ICAM1: variants seen among roughly 807,000 people sequenced by gnomAD.
ICAM1 encodes the protein intercellular adhesion molecule 1.
Under a neutral mutation model 42.3 loss-of-function variants are expected in ICAM1, and 28 were observed. The ratio of observed to expected loss-of-function variants is 0.66; its 90% confidence interval spans 0.49 to 0.91. ICAM1 has a LOEUF of 0.91. Among genes scored for constraint, ICAM1 ranks in the 40% least tolerant of loss-of-function variants. The pLI is 0.00. For synonymous variants in ICAM1, 304 were observed against 305.9 expected (o/e 0.99, Z 0.07); for missense variants, 637 against 688.6 (o/e 0.93, Z 0.84).
intron 1 of ICAM1, among the ~76,000 whole-genome samples, chr19:10,274,407 C>G (rs2040002633): frequency 6.6e-6 from 1 of 151,696 alleles, no homozygotes; most frequent in African/African-American, 2.4e-5. Context: ...CTCCACCTCC[C>G]AGGTTCAAGT....
chr19:10,275,440 G>A (rs1274855563), intron 2 of ICAM1, among the ~76,000 whole-genome samples: 1 of 152,052 alleles, frequency 6.6e-6, no homozygotes, highest in African/African-American at 2.4e-5. Context: ...AGATTGCAGT[G>A]AGCCGCGATC....
chr19:10,283,399 G>T, intron 2 of ICAM1, 82 bp from the exon 3 acceptor site: 2 of 1,375,398 alleles, frequency 1.5e-6, no homozygotes, highest in Non-Finnish European at 2.0e-6. Flanking sequence ...AAGAGGTAGG[G>T]CTCCCAGGCA....
intron 2 of ICAM1, among the ~76,000 whole-genome samples, chr19:10,278,853 C>G (rs1046179770): frequency 3.3e-5 from 5 of 151,926 alleles, no homozygotes; most frequent in Non-Finnish European, 7.4e-5. Flanking sequence ...TGCCTGATAG[C>G]TGAGAGCATA....
chr19:10,275,558 C>T (rs1473541016), intron 2 of ICAM1, among the ~76,000 whole-genome samples: 1 of 152,140 alleles, frequency 6.6e-6, no homozygotes, highest in Non-Finnish European at 1.5e-5. Flanking sequence ...GGTCCTGCTT[C>T]AGACACTTTA....
intron 2 of ICAM1, chr19:10,283,171 G>T: frequency 4.0e-6 from 1 of 251,808 alleles, no homozygotes. Context: ...GCCACTGTTT[G>T]CCCAGTCTAG....
At chr19:10,271,599 T>C (rs1198094555) in intron 1 of ICAM1, among the ~76,000 whole-genome samples, 1 of 152,022 alleles carries the variant, frequency 6.6e-6, no homozygotes, top group Non-Finnish European at 1.5e-5. Flanking sequence ...TCTTACAGTT[T>C]CTCAGCTGTA....
intron 2 of ICAM1, among the ~76,000 whole-genome samples, chr19:10,278,971 C>T (rs1196135739): frequency 1.3e-5 from 2 of 152,092 alleles, no homozygotes; most frequent in Non-Finnish European, 1.5e-5. Flanking sequence ...ATGGCTGGCA[C>T]AGGTAGCAAA....
chr19:10,285,138 A>G lies in ICAM1; in HGVS notation c.1450A>G (p.Ile484Val), dbSNP rs868789554. 3.7e-6 allele frequency: 6 copies of G among 1,614,060 alleles called. No homozygotes were observed. The African/African-American group carries it at 8.0e-5, about 22-fold the overall frequency. Reference protein sequence around the residue: ...VLSPRYEIVIITVVAAAVIMG... With the variant: ...VLSPRYEIVIVTVVAAAVIMG... ...AGCCCCCCGGTATGAGATTGTCATC[A>G]TCACTGTGGTAGCAGCCGCAGTCAT... Residue 484 changes from isoleucine to valine, a missense_variant, in exon 7 of 7, where the codon ATC becomes GTC. Coordinates refer to ENST00000264832, the MANE Select transcript of ICAM1 (RefSeq NM_000201.3).
chr19:10,284,551 G>A lies in ICAM1; in HGVS notation c.1074G>A (p.Leu358=). Residue 358 remains leucine (L), a synonymous_variant, in exon 5 of 7, where the codon CTG becomes CTA. Coordinates refer to ENST00000264832, the MANE Select transcript of ICAM1 (RefSeq NM_000201.3). The surrounding 1 kb of genome is among the most constrained non-coding windows in gnomAD (Gnocchi z 5.4). ...TGGGCCCGAGGGCCCAGCTCCTGCT[G>A]AAGGCCACCCCAGAGGACAACGGGC... ...QPLGPRAQLL[L]KATPEDNGRS... 1.2e-6 allele frequency: 2 copies of A among 1,614,152 alleles called. No individual in the cohort carries two copies. Among genetic ancestry groups the A allele is most frequent in the Non-Finnish European group, 1.7e-6 (2 of 1,180,024 alleles).
intron 3 of ICAM1, 71 bp from the exon 4 acceptor site, chr19:10,283,962 G>A: frequency 6.5e-7 from 1 of 1,536,106 alleles, no homozygotes; most frequent in Non-Finnish European, 8.8e-7. Context: ...GCAGGAGGGG[G>A]AATGAAATGC....
At position 10,285,541 on chromosome 19, in the gene ICAM1, A is replaced by ATTGATGGATGTTAAAAT; in HGVS notation, c.*269_*270insATTTGATGGATGTTAAA. The ATTGATGGATGTTAAAAT allele has an allele frequency of 2.1e-6, 1 of 483,622 alleles. No individual in the cohort carries two copies. Among genetic ancestry groups the ATTGATGGATGTTAAAAT allele is most frequent in the Non-Finnish European group, 3.7e-6 (1 of 270,340 alleles). 30.0% of individuals were successfully genotyped at this position (483,622 alleles called of 1,614,324 possible). On this transcript the variant is annotated 3_prime_UTR_variant, in exon 7 of 7. Coordinates refer to ENST00000264832, the MANE Select transcript of ICAM1 (RefSeq NM_000201.3). ...AGGAAGGAGCAAGACTCAAGACATG[A>ATTGATGGATGTTAAAAT]TTGATGGATGTTAAAGTCTAGCCTG...
Position 10,284,372 on chromosome 19 carries a change from CG to C in ICAM1, c.926-27del, listed in dbSNP as rs2040086080. The C allele has an allele frequency of 3.7e-6, 6 of 1,611,774 alleles. No homozygotes were observed. The East Asian group carries it at 1.3e-4, about 36-fold the overall frequency. On this transcript the variant is annotated intron_variant, in intron 4 of 6. Coordinates refer to ENST00000264832, the MANE Select transcript of ICAM1 (RefSeq NM_000201.3). The surrounding 1 kb of genome is among the most constrained non-coding windows in gnomAD (Gnocchi z 5.4). ...GCTTCTTGGGGGTGTGACCTGAACC[CG>C]GGGCGGGGCTCACTGTGTGCCTATT...
At chr19:10,281,099 T>C (rs1248703911) in intron 2 of ICAM1, among the ~76,000 whole-genome samples, 3 of 149,898 alleles carry the variant, frequency 2.0e-5, no homozygotes, top group Admixed American at 1.3e-4. Context: ...GGTCTTGATC[T>C]CCTGACCTCG....
Position 10,274,864 on chromosome 19 carries a change from A to G in ICAM1, c.167A>G (p.Lys56Arg), listed in dbSNP as rs5491. The change falls in exon 2 of 7, where the codon AAG becomes AGG. Residue 56 changes from lysine to arginine, a missense_variant. By Grantham distance (26) the Lys-to-Arg change is conservative. Coordinates refer to ENST00000264832, the MANE Select transcript of ICAM1 (RefSeq NM_000201.3). ...TGCAGCACCTCCTGTGACCAGCCCAAGTTGTTGGGCATAGAGACCCCGTTG... is the reference window on the plus strand; with the variant it reads ...TGCAGCACCTCCTGTGACCAGCCCAGGTTGTTGGGCATAGAGACCCCGTTG... ...VTCSTSCDQP[K>R]LLGIETPLPK... The G allele has an allele frequency of 6.2e-7, 1 of 1,614,156 alleles. No individual in the cohort carries two copies. Among genetic ancestry groups the G allele is most frequent in the Non-Finnish European group, 8.5e-7 (1 of 1,180,030 alleles).
intron 2 of ICAM1, among the ~76,000 whole-genome samples, chr19:10,278,955 G>A (rs1175421707): frequency 6.6e-6 from 1 of 152,182 alleles, no homozygotes; most frequent in African/African-American, 2.4e-5. Flanking sequence ...CTGTGAAATG[G>A]AGCAGATGGC....
chr19:10,274,644 A>G (rs1358478844), intron 1 of ICAM1, 121 bp from the exon 2 acceptor site: 4 of 1,160,286 alleles, frequency 3.4e-6, no homozygotes, highest in East Asian at 2.5e-5. Context: ...TAACTTCCAC[A>G]TCGAAGGCAA....
At position 10,284,051 on chromosome 19, in the gene ICAM1, C is replaced by A. The variant is rs201414539; in HGVS notation, c.656C>A (p.Pro219Gln). The A allele has an allele frequency of 1.1e-5, 18 of 1,613,738 alleles. No homozygotes were observed. The South Asian group carries it at 1.2e-4, about 11-fold the overall frequency. The stretch of plus-strand genomic sequence containing the variant: ...TCCCTAGTCCTGCCAGCGACTCCCC[C>A]ACAACTTGTCAGCCCCCGGGTCCTA... ...LQTFVLPATP[P>Q]QLVSPRVLEV... Residue 219 changes from proline to glutamine, a missense_variant, in exon 4 of 7, where the codon CCA becomes CAA. Coordinates refer to ENST00000264832, the MANE Select transcript of ICAM1 (RefSeq NM_000201.3). The surrounding 1 kb of genome is among the most constrained non-coding windows in gnomAD (Gnocchi z 5.4).
At chr19:10,282,779 G>A (rs193288217) in intron 2 of ICAM1, among the ~76,000 whole-genome samples, 59 of 152,014 alleles carry the variant, frequency 3.9e-4, no homozygotes, top group African/African-American at 1.3e-3. Flanking sequence ...TTGGGAGGCC[G>A]GGGTGGGCAG....
chr19:10,279,866 A>C (rs1166334545), intron 2 of ICAM1, among the ~76,000 whole-genome samples: 1 of 30,676 alleles, frequency 3.3e-5, no homozygotes, highest in African/African-American at 7.4e-5. Flanking sequence ...CACTGCCCCT[A>C]AAAAAAAAAA....
Sources: gnomAD v4.1 joint callset for allele counts (sites outside exome capture counted in the v4.1 genomes callset) on GRCh38, gnomAD v4.1.1 for gene constraint, Gnocchi (gnomAD v3.1) non-coding constraint, MANE v1.5 for transcripts, NCBI Gene and HGNC (gene_info 2026-07-23, HGNC 2026-07-21) for gene names.